Variants in CYP2E1 observed in about 807,000 individuals in gnomAD.
CYP2E1 encodes the protein cytochrome P450 2E1.
Under a neutral mutation model 42.9 loss-of-function variants are expected in CYP2E1, and 31 were observed. That is an observed-to-expected ratio of 0.72 (90% CI 0.54 to 0.98). The LOEUF is 0.98. CYP2E1 is among the 50% of genes least tolerant of loss of function. CYP2E1 has a pLI of 0.00. For synonymous variants in CYP2E1, 244 were observed against 248.9 expected (o/e 0.98, Z 0.19); for missense variants, 565 against 633.2 (o/e 0.89, Z 1.16).
chr10:133,532,972 C>T, intron 5 of CYP2E1, 104 bp downstream of exon 5: 2 of 1,048,718 alleles, frequency 1.9e-6, no homozygotes, highest in Non-Finnish European at 2.7e-6. Flanking sequence ...AGACCTCCCA[C>T]CGCAGCATGC....
In CYP2E1 at chr10:133,531,717, C is replaced by G; in HGVS notation, c.470C>G (p.Ala157Gly). The G allele has an allele frequency of 6.2e-7, 1 of 1,602,328 alleles. No individual in the cohort carries two copies. Among genetic ancestry groups the G allele is most frequent in the African/African-American group, 1.3e-5 (1 of 74,810 alleles). Residue 157 changes from alanine to glycine, a missense_variant, in exon 3 of 9, where the codon GCA becomes GGA. Ala to Gly is a moderately conservative substitution (Grantham distance 60). Transcript: ENST00000252945. The part of the protein sequence containing the change: ...IQREAHFLLE[A>G]LRKTQGQPFD... Reference sequence around the variant, plus strand: ...AGGGAGGCCCACTTCCTGCTGGAAGCACTCAGGAAGACCCAAGGTGCGTAT... The same window carrying G: ...AGGGAGGCCCACTTCCTGCTGGAAGGACTCAGGAAGACCCAAGGTGCGTAT...
chr10:133,533,412 G>A (rs1171768806), intron 5 of CYP2E1, among the ~76,000 whole-genome samples: 3 of 152,200 alleles, frequency 2.0e-5, no homozygotes, highest in Non-Finnish European at 1.5e-5. Flanking sequence ...TTGGCCCCTC[G>A]TGGCAGCAGA....
Position 133,527,584 on chromosome 10 carries a change from A to G in CYP2E1, c.177+12A>G. 1 of 1,597,230 alleles carries G rather than the reference A, an allele frequency of 6.3e-7. No individual in the cohort carries two copies. The highest frequency in any genetic ancestry group is 8.6e-7 in the Non-Finnish European group (1 of 1,166,904). On this transcript the variant is annotated intron_variant, in intron 1 of 8. Transcript: ENST00000252945. ...AGTCCTTCACCCGGGTAAGAGAAAT[A>G]GTGTTGATTTTAGGGAGAATAACTC...
chr10:133,531,762 A>C (rs755263554), intron 3 of CYP2E1, 28 bp downstream of exon 3: 1 of 1,556,908 alleles, frequency 6.4e-7, no homozygotes, highest in Non-Finnish European at 8.7e-7. Flanking sequence ...AGCAGGGCCC[A>C]GTCCTCTTGC....
rs1471904078 is a variant in CYP2E1, at chr10:133,538,792, G to T, written c.1310G>T (p.Cys437Phe). The T allele has an allele frequency of 1.2e-6, 2 of 1,613,844 alleles. No homozygotes were observed. Among genetic ancestry groups the T allele is most frequent in the Admixed American group, 3.3e-5 (2 of 59,994 alleles). The change falls in exon 9 of 9, where the codon TGT (cysteine) becomes TTT (phenylalanine). Residue 437 changes from cysteine to phenylalanine, a missense_variant. By Grantham distance (205) the Cys-to-Phe change is radical. Transcript: ENST00000252945. ...TTGTTACTTCTAGGAAAACGAGTGT[G>T]TGCTGGAGAAGGCCTGGCTCGCATG... The part of the protein sequence containing the change: ...FKPFSTGKRV[C>F]AGEGLARMEL...
chr10:133,537,381 C>A, intron 7 of CYP2E1, 131 bp downstream of exon 7: 1 of 855,984 alleles, frequency 1.2e-6, no homozygotes, highest in Non-Finnish European at 1.8e-6. Context: ...AGGGCTGGCC[C>A]CACTCCCACC....
At chr10:133,532,102 G>A (rs763652251) in intron 3 of CYP2E1, 22 bp from the exon 4 acceptor site, 1 of 1,607,740 alleles carries the variant, frequency 6.2e-7, no homozygotes, top group South Asian at 1.1e-5. Context: ...TCTTCTGGTT[G>A]CCCTGACTGC....
At chr10:133,537,567 A>T (rs1027127027) in intron 7 of CYP2E1, 184 bp from the exon 8 acceptor site, 13 of 614,282 alleles carry the variant, frequency 2.1e-5, no homozygotes, top group Non-Finnish European at 3.4e-5. Context: ...TAGGGCTTTC[A>T]TCTTCATTTA....
intron 2 of CYP2E1, among the ~76,000 whole-genome samples, chr10:133,529,557 G>C (rs1164751978): frequency 6.6e-6 from 1 of 152,278 alleles, no homozygotes; most frequent in Admixed American, 6.5e-5. Context: ...AAATCGGTGA[G>C]CTCGTGCTCT....
chr10:133,528,171 G>A (rs1300375265), intron 1 of CYP2E1: 3 of 301,308 alleles, frequency 1.0e-5, no homozygotes, highest in African/African-American at 4.4e-5. Flanking sequence ...AGCGGGCAAC[G>A]GGGTGGTTGG....
chr10:133,537,379 C>A, intron 7 of CYP2E1, 129 bp downstream of exon 7: 1 of 883,760 alleles, frequency 1.1e-6, no homozygotes, highest in Non-Finnish European at 1.7e-6. Context: ...GAAGGGCTGG[C>A]CCCACTCCCA....
chr10:133,532,738 A>G lies in CYP2E1; in HGVS notation c.695A>G (p.His232Arg). Reference protein sequence around the residue: ...PSFLHYLPGSHRKVIKNVAEV... With the variant: ...PSFLHYLPGSRRKVIKNVAEV... ...TTTCTACACTACTTGCCTGGAAGCCACAGAAAAGTCATAAAAAATGTGGCT... is the reference window on the plus strand; with the variant it reads ...TTTCTACACTACTTGCCTGGAAGCCGCAGAAAAGTCATAAAAAATGTGGCT... The change falls in exon 5 of 9, where the codon CAC becomes CGC. Residue 232 changes from histidine (H) to arginine (R), a missense_variant. Coordinates refer to ENST00000252945, the MANE Select transcript of CYP2E1 (RefSeq NM_000773.4). 1 of 1,612,684 alleles carries G rather than the reference A, an allele frequency of 6.2e-7. No individual in the cohort carries two copies. Among genetic ancestry groups the G allele is most frequent in the Non-Finnish European group, 8.5e-7 (1 of 1,179,618 alleles).
intron 3 of CYP2E1, 151 bp from the exon 4 acceptor site, chr10:133,531,973 T>C (rs1326221078): frequency 4.9e-6 from 4 of 822,058 alleles, no homozygotes; most frequent in Non-Finnish European, 7.6e-6. Context: ...CAAAGGAAAC[T>C]CAAACAGGTT....
At chr10:133,527,703 C>T in intron 1 of CYP2E1, 131 bp downstream of exon 1, 1 of 722,922 alleles carries the variant, frequency 1.4e-6, no homozygotes, top group South Asian at 1.9e-5. Flanking sequence ...GAATTGATAG[C>T]ATCCTGGAGC....
At chr10:133,528,687 C>T (rs768061767) in intron 2 of CYP2E1, 47 bp downstream of exon 2, 3 of 1,605,578 alleles carry the variant, frequency 1.9e-6, no homozygotes, top group East Asian at 2.2e-5. Flanking sequence ...TAACACGCCC[C>T]GGGACAGTTA....
chr10:133,531,805 T>C, intron 3 of CYP2E1, 71 bp downstream of exon 3: 2 of 1,461,580 alleles, frequency 1.4e-6, no homozygotes, highest in Non-Finnish European at 1.8e-6. Flanking sequence ...TGGCTGGGAC[T>C]CCTAGACTGC....
chr10:133,537,992 AC>A, intron 8 of CYP2E1, 100 bp downstream of exon 8: 1 of 1,180,380 alleles, frequency 8.5e-7, no homozygotes, highest in Non-Finnish European at 1.2e-6. Flanking sequence ...ACCCACTGAC[AC>A]CCCAAACCTC....
Position 133,537,880 on chromosome 10 carries a change from C to G in CYP2E1, c.1285C>G (p.Pro429Ala), listed in dbSNP as rs151041343. The change falls in exon 8 of 9, where the codon CCA becomes GCA. Residue 429 changes from proline to alanine, a missense_variant. By Grantham distance (27) the Pro-to-Ala change is conservative. Transcript: ENST00000252945. ...GTTCAAGTACAGTGACTATTTCAAGCCATTTTCCACAGGTGAGAAAGATCA... is the reference window on the plus strand; with the variant it reads ...GTTCAAGTACAGTGACTATTTCAAGGCATTTTCCACAGGTGAGAAAGATCA... ...GKFKYSDYFK[P>A]FSTGKRVCAG... The G allele has an allele frequency of 2.8e-5, 45 of 1,613,438 alleles. No homozygotes were observed. The African/African-American group carries it at 5.7e-4, about 21-fold the overall frequency.
chr10:133,534,435 G>A (rs1249718252), intron 6 of CYP2E1, among the ~76,000 whole-genome samples: 2 of 152,162 alleles, frequency 1.3e-5, no homozygotes, highest in Non-Finnish European at 2.9e-5. Flanking sequence ...CCTGGAGGAG[G>A]TGTGAAAGGT....
Sources: allele counts gnomAD v4.1 joint callset (sites outside exome capture counted in the v4.1 genomes callset), GRCh38; gene constraint gnomAD v4.1.1; transcripts MANE v1.5; gene names NCBI Gene and HGNC (gene_info 2026-07-23, HGNC 2026-07-21).